The following FOXJ3 variants were observed in gnomAD, a reference collection of about 807,000 sequenced individuals.
FOXJ3 encodes the protein forkhead box protein J3.
Under a neutral mutation model 76.1 loss-of-function variants are expected in FOXJ3, and 22 were observed. The ratio of observed to expected loss-of-function variants is 0.29; its 90% CI spans 0.21 to 0.41. FOXJ3 has a LOEUF of 0.41. FOXJ3 is among the 10% of genes least tolerant of loss of function. The probability of loss-of-function intolerance (pLI) is 1.00; values close to 1 mark genes in which losing one functional copy is unlikely to be tolerated. For synonymous variants in FOXJ3, 269 were observed against 261.2 expected (o/e 1.03, Z -0.29); for missense variants, 613 against 762.1 (o/e 0.80, Z 2.30).
At chr1:42,312,769 A>G (rs1654886367) in intron 1 of FOXJ3, among the ~76,000 whole-genome samples, 1 of 152,256 alleles carries the variant, frequency 6.6e-6, no homozygotes, top group African/African-American at 2.4e-5. Flanking sequence ...TGTGGGACAC[A>G]ATGTACAAGA....
chr1:42,218,953 G>A (rs543055649), intron 5 of FOXJ3, among the ~76,000 whole-genome samples: 24 of 152,272 alleles, frequency 1.6e-4, no homozygotes, highest in African/African-American at 5.8e-4. Flanking sequence ...GGCCTGTACA[G>A]CTGACAATCC....
chr1:42,241,048 G>C (rs1380306991), intron 4 of FOXJ3, among the ~76,000 whole-genome samples: 3 of 152,166 alleles, frequency 2.0e-5, no homozygotes, highest in Non-Finnish European at 4.4e-5. Flanking sequence ...AGGAGGCGAG[G>C]GAAGCAGGCT....
At position 42,179,488 on chromosome 1, in the gene FOXJ3, A is replaced by C; in HGVS notation, c.*222T>G. ...CCAAATCACACAACAGTTAGGAGCTACATAGGGCAGCTGGCAGGGAGACAA... is the reference window on the plus strand; with the variant it reads ...CCAAATCACACAACAGTTAGGAGCTCCATAGGGCAGCTGGCAGGGAGACAA... On this transcript the variant is annotated 3_prime_UTR_variant, in exon 13 of 13. Coordinates refer to ENST00000361346, the MANE Select transcript of FOXJ3 (RefSeq NM_014947.5). The C allele has an allele frequency of 2.8e-6, 1 of 362,654 alleles. No homozygotes were observed. 22.5% of individuals were successfully genotyped at this position (362,654 alleles called of 1,614,324 possible).
intron 4 of FOXJ3, among the ~76,000 whole-genome samples, chr1:42,228,760 T>C (rs973396575): frequency 1.3e-5 from 2 of 152,028 alleles, no homozygotes; most frequent in East Asian, 1.9e-4. Context: ...ATCCTGCCTC[T>C]ATACACACAC....
intron 2 of FOXJ3, 44 bp from the exon 3 acceptor site, chr1:42,278,716 C>A: frequency 7.4e-7 from 1 of 1,358,724 alleles, no homozygotes; most frequent in East Asian, 2.3e-5. Flanking sequence ...GGAAAGAACC[C>A]CTGCTTCTCA....
At chr1:42,280,225 T>C (rs1223488097) in intron 2 of FOXJ3, 1 of 824,646 alleles carries the variant, frequency 1.2e-6, no homozygotes, top group South Asian at 5.5e-5. Context: ...CAATGCACTA[T>C]AAAGTAAACC....
intron 9 of FOXJ3, 44 bp downstream of exon 9, chr1:42,191,259 T>G: frequency 6.6e-7 from 1 of 1,508,680 alleles, no homozygotes; most frequent in South Asian, 1.3e-5. Context: ...GGACAGATCC[T>G]AATTCACAGT....
chr1:42,228,989 A>G (rs1647828932), intron 4 of FOXJ3, among the ~76,000 whole-genome samples: 1 of 152,188 alleles, frequency 6.6e-6, no homozygotes, highest in Non-Finnish European at 1.5e-5. Flanking sequence ...TACAACCCTC[A>G]CCTATCAATC....
Position 42,278,341 on chromosome 1 carries a change from T to C in FOXJ3, c.369+7A>G. The stretch of plus-strand genomic sequence containing the variant: ...CATAAAAGTAATAATTTAAATAAAA[T>C]CCTTACCTTCCAACCACTGCCAGCC... On this transcript the variant is annotated splice_region_variant and intron_variant, in intron 3 of 12. Coordinates refer to ENST00000361346, the MANE Select transcript of FOXJ3 (RefSeq NM_014947.5). The C allele has an allele frequency of 1.9e-6, 3 of 1,569,118 alleles. No homozygotes were observed. Among genetic ancestry groups the C allele is most frequent in the Middle Eastern group, 1.7e-4 (1 of 5,902 alleles).
rs1336423977 is a variant in FOXJ3, at chr1:42,177,312, T to C, written c.*2398A>G. 6.6e-5 allele frequency: 10 copies of C among 152,658 alleles called. No homozygotes were observed. Among genetic ancestry groups the C allele is most frequent in the Non-Finnish European group, 1.5e-4 (10 of 68,034 alleles). The allele number at this position is 152,658 out of a possible 1,614,324, so 9.5% of individuals were successfully genotyped here. Reference sequence around the variant, plus strand: ...TGCAAATCAGTAAATGATTGCCAAATGGGAAATTCGCTTCACACAATTTAT... The same window carrying C: ...TGCAAATCAGTAAATGATTGCCAAACGGGAAATTCGCTTCACACAATTTAT... On this transcript the variant is annotated 3_prime_UTR_variant, in exon 13 of 13. Coordinates refer to ENST00000361346, the MANE Select transcript of FOXJ3 (RefSeq NM_014947.5).
intron 5 of FOXJ3, among the ~76,000 whole-genome samples, chr1:42,222,373 G>A (rs1338331217): frequency 6.6e-6 from 1 of 151,978 alleles, no homozygotes; most frequent in Non-Finnish European, 1.5e-5. Flanking sequence ...ATCTTTCTGT[G>A]ACCACATAAT....
chr1:42,194,823 T>C (rs1646619708), intron 8 of FOXJ3, 67 bp downstream of exon 8: 3 of 956,644 alleles, frequency 3.1e-6, no homozygotes, highest in Non-Finnish European at 4.7e-6. Context: ...ACAGCTGCCA[T>C]GTGAAATAAT....
intron 6 of FOXJ3, among the ~76,000 whole-genome samples, chr1:42,204,684 TTACCACCAC>T (rs1320334368): frequency 1.3e-5 from 2 of 152,038 alleles, no homozygotes; most frequent in Non-Finnish European, 2.9e-5. Context: ...AATCCTGGGA[TTACCACCAC>T]TACCACCACC....
chr1:42,234,912 C>T (rs1490006381), intron 4 of FOXJ3, among the ~76,000 whole-genome samples: 2 of 152,106 alleles, frequency 1.3e-5, no homozygotes, highest in Non-Finnish European at 2.9e-5. Flanking sequence ...CTGGGAGAAC[C>T]ACTACTCTCT....
chr1:42,334,616 C>G (rs1656358459), intron 1 of FOXJ3, among the ~76,000 whole-genome samples: 1 of 152,244 alleles, frequency 6.6e-6, no homozygotes, highest in Admixed American at 6.5e-5. Flanking sequence ...GCCCGCCCTG[C>G]CGGCAGAAAA....
At chr1:42,225,531 CCCT>C (rs1411001887) in intron 5 of FOXJ3, among the ~76,000 whole-genome samples, 1 of 152,092 alleles carries the variant, frequency 6.6e-6, no homozygotes, top group Non-Finnish European at 1.5e-5. Context: ...ATATCTGTCC[CCCT>C]AATTATATGC....
intron 4 of FOXJ3, among the ~76,000 whole-genome samples, chr1:42,242,650 C>G (rs1203871979): frequency 1.3e-5 from 2 of 151,694 alleles, no homozygotes; most frequent in Non-Finnish European, 2.9e-5. Context: ...CCCAGGTGAC[C>G]AAGGACACGG....
chr1:42,218,919 C>T (rs1026022837), intron 5 of FOXJ3, among the ~76,000 whole-genome samples: 5 of 152,204 alleles, frequency 3.3e-5, no homozygotes, highest in Admixed American at 6.5e-5. Flanking sequence ...AGAGCCCTTG[C>T]ACTTGCAGGA....
At chr1:42,296,110 A>AT (rs1653771283) in intron 2 of FOXJ3, among the ~76,000 whole-genome samples, 1 of 152,058 alleles carries the variant, frequency 6.6e-6, no homozygotes. Context: ...AATGTTGAGT[A>AT]TTTTTTTCAA....
Sources: gnomAD v4.1 joint callset for allele counts (sites outside exome capture counted in the v4.1 genomes callset) on GRCh38, gnomAD v4.1.1 for gene constraint, MANE v1.5 for transcripts, NCBI Gene and HGNC (gene_info 2026-07-23, HGNC 2026-07-21) for gene names.